CARD8: variants seen among roughly 807,000 people sequenced by gnomAD.
CARD8 encodes caspase recruitment domain-containing protein 8.
Under a neutral mutation model 53.2 loss-of-function variants are expected in CARD8, and 38 were observed. The observed-to-expected ratio is 0.71, with a 90% confidence interval of 0.55 to 0.94. CARD8 has a LOEUF of 0.94. Among genes scored for constraint, CARD8 ranks in the 40% least tolerant of loss-of-function variants. The pLI is 0.00. For synonymous variants in CARD8, 245 were observed against 244.9 expected (o/e 1.00, Z 0.00); for missense variants, 561 against 655.5 (o/e 0.86, Z 1.57).
intron 3 of CARD8, among the ~76,000 whole-genome samples, chr19:48,241,351 G>A (rs1322577174): frequency 2.0e-5 from 3 of 152,174 alleles, no homozygotes; most frequent in African/African-American, 7.2e-5. Context: ...CACCTCCCGG[G>A]TTCAAGCGAT....
In CARD8 at chr19:48,208,130, T is replaced by C. The variant is rs919239736; in HGVS notation, c.*3580A>G. 1 of 152,226 alleles carries C rather than the reference T, an allele frequency of 6.6e-6. No homozygotes were observed. The highest frequency in any genetic ancestry group is 1.5e-5 in the Non-Finnish European group (1 of 68,046). The allele number at this position is 152,226 out of a possible 1,614,324, so 9.4% of individuals were successfully genotyped here. ...ATAACATTAACCTATTTTTTTATTT[T>C]TGTAAATTTATGAAGTACATTCTTC... On this transcript the variant is annotated 3_prime_UTR_variant, in exon 14 of 14. Coordinates refer to ENST00000651546, the MANE Select transcript of CARD8 (RefSeq NM_001184900.3).
rs924363041 is a variant in CARD8, at chr19:48,212,092, T to TA, written c.1349-118dup. ...GAGATTGCTCCTTGTGTCTGTAGCT[T>TA]AATTTGTGGACATACAAAATCACAC... On this transcript the variant is annotated intron_variant, in intron 13 of 13. Coordinates refer to ENST00000651546, the MANE Select transcript of CARD8 (RefSeq NM_001184900.3). The TA allele has an allele frequency of 1.0e-5, 9 of 885,074 alleles. No individual in the cohort carries two copies. The African/African-American group carries it at 1.3e-4, about 13-fold the overall frequency. 54.8% of individuals were successfully genotyped at this position (885,074 alleles called of 1,614,324 possible).
intron 3 of CARD8, among the ~76,000 whole-genome samples, chr19:48,244,689 T>C (rs930656678): frequency 6.6e-6 from 1 of 152,174 alleles, no homozygotes; most frequent in Non-Finnish European, 1.5e-5. Flanking sequence ...ACATTCTGCA[T>C]ATAATCAGGC....
downstream of CARD8, chr19:48,203,364 T>C (rs1269834493): frequency 1.3e-5 from 2 of 152,278 alleles, no homozygotes; most frequent in African/African-American, 2.4e-5. Flanking sequence ...CACTTTGGCA[T>C]TGTGATTAAG....
chr19:48,203,932 C>A (rs1017443078), downstream of CARD8: 9 of 286,302 alleles, frequency 3.1e-5, no homozygotes, highest in African/African-American at 6.9e-5. Flanking sequence ...GCCACCAGCG[C>A]TTTCGCGTCC....
intron 11 of CARD8, among the ~76,000 whole-genome samples, chr19:48,219,748 T>C (rs776623190): frequency 1.3e-5 from 2 of 152,004 alleles, no homozygotes; most frequent in African/African-American, 2.4e-5. Context: ...AGGTGACCGA[T>C]TGCTTGAGGT....
At chr19:48,229,032 G>C (rs142095766) in intron 10 of CARD8, among the ~76,000 whole-genome samples, 16 of 152,038 alleles carry the variant, frequency 1.1e-4, no homozygotes, top group Admixed American at 9.8e-4. Context: ...CCAGCTACTC[G>C]GGAGGCTGAG....
intron 11 of CARD8, among the ~76,000 whole-genome samples, chr19:48,220,377 C>T (rs2040235841): frequency 1.3e-5 from 2 of 152,160 alleles, no homozygotes; most frequent in Non-Finnish European, 2.9e-5. Context: ...CATGTAAATA[C>T]TGACACCTAA....
intron 1 of CARD8, among the ~76,000 whole-genome samples, chr19:48,253,444 A>T (rs921436027): frequency 6.6e-6 from 1 of 151,882 alleles, no homozygotes; most frequent in African/African-American, 2.4e-5. Context: ...CCACTTCCCC[A>T]CCCCTCATAT....
chr19:48,223,243 G>T (rs2041049281), intron 10 of CARD8, among the ~76,000 whole-genome samples: 1 of 151,798 alleles, frequency 6.6e-6, no homozygotes, highest in Non-Finnish European at 1.5e-5. Flanking sequence ...GGCAGAGTTT[G>T]CAGTGAGTCG....
At chr19:48,229,472 C>T (rs952751748) in intron 10 of CARD8, among the ~76,000 whole-genome samples, 8 of 152,238 alleles carry the variant, frequency 5.3e-5, no homozygotes, top group African/African-American at 1.9e-4. Flanking sequence ...AAAATGTTTT[C>T]TCCTGTATTT....
At chr19:48,228,803 G>A (rs1395401333) in intron 10 of CARD8, among the ~76,000 whole-genome samples, 1 of 152,090 alleles carries the variant, frequency 6.6e-6, no homozygotes, top group Non-Finnish European at 1.5e-5. Flanking sequence ...AGGGAAGAGG[G>A]AAAGGGACCC....
chr19:48,230,660 A>C lies in CARD8; in HGVS notation c.813T>G (p.Phe271Leu). The C allele has an allele frequency of 6.2e-7, 1 of 1,614,052 alleles. No homozygotes were observed. Among genetic ancestry groups the C allele is most frequent in the African/African-American group, 1.3e-5 (1 of 75,012 alleles). Reference sequence around the variant, plus strand: ...GCTCCAGGACCATCCCTTCATTCTTAAAATGGGCAACGAGAAACCAGGAGA... The same window carrying C: ...GCTCCAGGACCATCCCTTCATTCTTCAAATGGGCAACGAGAAACCAGGAGA... ...VDVSWFLVAHFKNEGMVLEHP... is the reference protein window; with the variant it reads ...VDVSWFLVAHLKNEGMVLEHP... Residue 271 changes from phenylalanine (F) to leucine (L), a missense_variant, in exon 10 of 14, where the codon TTT (phenylalanine) becomes TTG (leucine). Phe to Leu is a conservative substitution (Grantham distance 22, BLOSUM62 0). Coordinates refer to ENST00000651546, the MANE Select transcript of CARD8 (RefSeq NM_001184900.3).
chr19:48,255,257 T>C (rs1966968814), intron 1 of CARD8, among the ~76,000 whole-genome samples: 1 of 152,136 alleles, frequency 6.6e-6, no homozygotes, highest in Non-Finnish European at 1.5e-5. Flanking sequence ...TCCCAGCTAC[T>C]TGGGAGACTG....
At chr19:48,224,228 G>A (rs2041280646) in intron 10 of CARD8, among the ~76,000 whole-genome samples, 1 of 152,116 alleles carries the variant, frequency 6.6e-6, no homozygotes, top group African/African-American at 2.4e-5. Flanking sequence ...CCAAAGTGCT[G>A]GGATTACAGG....
chr19:48,212,871 C>A (rs2038309796), intron 13 of CARD8: 1 of 152,212 alleles, frequency 6.6e-6, no homozygotes, highest in Non-Finnish European at 1.5e-5. Context: ...GGCATGATTT[C>A]TTTTTATTTA....
At chr19:48,247,744 C>T (rs1041473074) in intron 3 of CARD8, among the ~76,000 whole-genome samples, 4 of 134,138 alleles carry the variant, frequency 3.0e-5, no homozygotes, top group Non-Finnish European at 4.7e-5. Flanking sequence ...ACTTTCATGA[C>T]ACTATGTTAT....
chr19:48,213,664 G>T (rs2038535535), intron 13 of CARD8, among the ~76,000 whole-genome samples: 1 of 152,128 alleles, frequency 6.6e-6, no homozygotes, highest in Non-Finnish European at 1.5e-5. Flanking sequence ...GTGAGCCACT[G>T]CACCCAGCCA....
chr19:48,232,777 G>C, intron 6 of CARD8: 1 of 599,024 alleles, frequency 1.7e-6, no homozygotes, highest in African/African-American at 1.8e-5. Context: ...CTCTTAGACT[G>C]GGCGGATCTA....
Sources: gnomAD v4.1 joint callset for allele counts (sites outside exome capture counted in the v4.1 genomes callset) on GRCh38, gnomAD v4.1.1 for gene constraint, MANE v1.5 for transcripts, NCBI Gene and HGNC (gene_info 2026-07-23, HGNC 2026-07-21) for gene names.